Variants in ANKRD27 observed in about 807,000 individuals in gnomAD.
ANKRD27 encodes the protein ankyrin repeat domain 27.
ANKRD27 carries 112 observed loss-of-function variants against 129.7 expected under a neutral mutation model. The ratio of observed to expected loss-of-function variants is 0.86; its 90% CI spans 0.74 to 1.01. The LOEUF is 1.01. Ranked by LOEUF, ANKRD27 falls within the 50% of genes least tolerant of loss-of-function variation. The pLI, the probability that ANKRD27 is intolerant of heterozygous loss-of-function variation, is 0.00. For synonymous variants in ANKRD27, 516 were observed against 511.2 expected, an observed-to-expected ratio of 1.01 and a Z score of -0.13; for missense variants, 1,258 against 1,300.5, an observed-to-expected ratio of 0.97 and a Z score of 0.50.
At chr19:32,639,550 AT>A in intron 11 of ANKRD27, 62 bp from the exon 12 acceptor site, 2 of 1,558,046 alleles carry the variant, frequency 1.3e-6, no homozygotes, top group South Asian at 1.2e-5. Flanking sequence ...TGCAAAAAAA[AT>A]ATCATTGGCT....
chr19:32,647,333 T>A (rs759209312), intron 3 of ANKRD27, among the ~76,000 whole-genome samples: 2 of 152,254 alleles, frequency 1.3e-5, no homozygotes, highest in Middle Eastern at 3.2e-3. Flanking sequence ...AAGGGATGTT[T>A]TATCTCCCTC....
chr19:32,665,081 G>T (rs1007650173), intron 1 of ANKRD27, among the ~76,000 whole-genome samples: 1 of 151,976 alleles, frequency 6.6e-6, no homozygotes, highest in African/African-American at 2.4e-5. Flanking sequence ...ACACTGGACA[G>T]GGCAGGGAGA....
chr19:32,623,874 C>T (rs1381233064), intron 17 of ANKRD27, among the ~76,000 whole-genome samples: 1 of 151,974 alleles, frequency 6.6e-6, no homozygotes, highest in Non-Finnish European at 1.5e-5. Flanking sequence ...TGAAGCTCAC[C>T]CCTGCTCTCC....
At chr19:32,617,716 T>C in intron 20 of ANKRD27, 83 bp from the exon 21 acceptor site, 1 of 607,906 alleles carries the variant, frequency 1.6e-6, no homozygotes. Context: ...TCTGAAAATC[T>C]ATTGGCTTGA....
At position 32,619,361 on chromosome 19, in the gene ANKRD27, G is replaced by A. The variant is rs768977902; in HGVS notation, c.1906C>T (p.Gln636Ter). The change falls in exon 20 of 29, where the codon CAG (glutamine) becomes TAG (stop). Residue 636 changes from glutamine (Q) to a stop codon, truncating the protein, a stop_gained. Coordinates refer to ENST00000306065, the MANE Select transcript of ANKRD27 (RefSeq NM_032139.3). LOFTEE classifies it high-confidence loss of function. The part of the protein sequence containing the change: ...KSSEAPVQSP[Q>*]RSVDSISQES... ...TGGCTGATGGAGTCCACGGAGCGCT[G>A]CGGGGACTGCACAGGGGCCTGCAGC... is the stretch of plus-strand genomic sequence containing the variant. 3.1e-6 allele frequency: 5 copies of A among 1,613,788 alleles called. No homozygotes were observed. The Admixed American group carries it at 8.3e-5, about 27-fold the overall frequency.
chr19:32,607,905 T>TG, intron 22 of ANKRD27, 73 bp from the exon 23 acceptor site: 4 of 1,438,980 alleles, frequency 2.8e-6, no homozygotes, highest in Non-Finnish European at 3.8e-6. Flanking sequence ...ATTGGCACCA[T>TG]GTGCCCCCCA....
intron 1 of ANKRD27, among the ~76,000 whole-genome samples, chr19:32,662,763 C>G (rs531685580): frequency 1.3e-5 from 2 of 152,032 alleles, no homozygotes; most frequent in Middle Eastern, 6.8e-3. Flanking sequence ...AAAAAAAAGG[C>G]CAGGCACGGT....
At chr19:32,646,674 G>C in intron 3 of ANKRD27, 59 bp from the exon 4 acceptor site, 1 of 1,573,598 alleles carries the variant, frequency 6.4e-7, no homozygotes, top group Non-Finnish European at 8.6e-7. Flanking sequence ...CCCACTCTCA[G>C]CCTGGCCCCC....
intron 1 of ANKRD27, among the ~76,000 whole-genome samples, chr19:32,666,661 T>C (rs1448335783): frequency 6.2e-4 from 89 of 144,686 alleles, no homozygotes; most frequent in Admixed American, 2.1e-3. Context: ...TTTTTTTTTT[T>C]TGAGACAGAG....
At chr19:32,630,689 G>A (rs7260509) in intron 13 of ANKRD27, among the ~76,000 whole-genome samples, 77,295 of 152,090 alleles carry the variant, frequency 0.51, 20,101 homozygotes, top group Non-Finnish European at 0.57. Context: ...GGAGTGCAAC[G>A]GCACAATCAT....
At chr19:32,617,291 C>G (rs535737889) in intron 21 of ANKRD27, among the ~76,000 whole-genome samples, 12 of 152,218 alleles carry the variant, frequency 7.9e-5, no homozygotes, top group African/African-American at 2.6e-4. Context: ...CACCTGTAAT[C>G]CAAGTACTTT....
At chr19:32,644,770 AAATG>A (rs1457769105) in intron 4 of ANKRD27, among the ~76,000 whole-genome samples, 7 of 152,242 alleles carry the variant, frequency 4.6e-5, no homozygotes. Flanking sequence ...TTTCTGGGGC[AAATG>A]AAGACTTATT....
At chr19:32,626,103 C>G in intron 16 of ANKRD27, 137 bp from the exon 17 acceptor site, 1 of 590,658 alleles carries the variant, frequency 1.7e-6, no homozygotes, top group Non-Finnish European at 2.8e-6. Context: ...AACCAACACC[C>G]ATCATTCCTG....
Position 32,631,432 on chromosome 19 carries a change from C to G in ANKRD27, c.1179G>C (p.Met393Ile), listed in dbSNP as rs755575906. ...ACAGGCAGTCGGTGGGAGACGAAGT[C>G]ATCTGAGAGAGTAAGCTCATTCTCT... ...LKQRMSLLSQ[M>I]TSSPTDCLFK... The change falls in exon 13 of 29, where the codon ATG (methionine) becomes ATC (isoleucine). Residue 393 changes from methionine (M) to isoleucine (I), a missense_variant. Coordinates refer to ENST00000306065, the MANE Select transcript of ANKRD27 (RefSeq NM_032139.3). The G allele has an allele frequency of 5.6e-6, 9 of 1,613,924 alleles. No homozygotes were observed. Among genetic ancestry groups the G allele is most frequent in the Non-Finnish European group, 7.6e-6 (9 of 1,180,018 alleles).
chr19:32,600,540 CAAAAA>C (rs201989131), intron 26 of ANKRD27, among the ~76,000 whole-genome samples: 1 of 151,752 alleles, frequency 6.6e-6, no homozygotes, highest in East Asian at 1.9e-4. Flanking sequence ...GACTCCATCT[CAAAAA>C]AAAGCTACAA....
intron 24 of ANKRD27, among the ~76,000 whole-genome samples, chr19:32,604,944 C>T (rs1599732913): frequency 6.6e-6 from 1 of 151,716 alleles, no homozygotes; most frequent in Admixed American, 6.6e-5. Context: ...TGGTGGTGGG[C>T]GCCTGTAGTT....
At chr19:32,670,663 GA>G (rs934345342) in intron 1 of ANKRD27, among the ~76,000 whole-genome samples, 2 of 151,402 alleles carry the variant, frequency 1.3e-5, no homozygotes, top group Non-Finnish European at 2.9e-5. Context: ...AACAGAGGGG[GA>G]CTCTGTCTCA....
intron 4 of ANKRD27, 116 bp downstream of exon 4, chr19:32,646,343 A>T: frequency 9.7e-7 from 1 of 1,030,474 alleles, no homozygotes; most frequent in Non-Finnish European, 1.4e-6. Flanking sequence ...TGCAGGGATT[A>T]CAGGCGCGAG....
At position 32,643,589 on chromosome 19, in the gene ANKRD27, G is replaced by A. The variant is rs1324482174; in HGVS notation, c.568C>T (p.Leu190=). 1.9e-6 allele frequency: 3 copies of A among 1,614,046 alleles called. No individual in the cohort carries two copies. The highest frequency in any genetic ancestry group is 2.5e-6 in the Non-Finnish European group (3 of 1,180,018). The stretch of plus-strand genomic sequence containing the variant: ...CTGCTTACCAGGTGAGAGTCCCTCA[G>A]AAGCTGCTGGAGGCATTTGGTGTAG... ...ALYTKCLQQL[L]RDSHLKMLAK... The change falls in exon 6 of 29, where the codon CTG becomes TTG. Residue 190 remains leucine, a synonymous_variant. Transcript: ENST00000306065.
Sources: allele counts gnomAD v4.1 joint callset (sites outside exome capture counted in the v4.1 genomes callset), GRCh38; gene constraint gnomAD v4.1.1; transcripts MANE v1.5; gene names NCBI Gene and HGNC (gene_info 2026-07-23, HGNC 2026-07-21).